The following RALYL variants were observed in gnomAD, a reference collection of about 807,000 sequenced individuals.
RALYL encodes RNA-binding Raly-like protein.
Under a neutral mutation model 35.1 loss-of-function variants are expected in RALYL, and 29 were observed. That is an observed-to-expected ratio of 0.83 (90% CI 0.61 to 1.13). The LOEUF (loss-of-function observed/expected upper bound fraction) is 1.13, where lower values mean the gene tolerates loss of function less well. Ranked by LOEUF, RALYL falls within the 50% of genes most tolerant of loss-of-function variation. RALYL has a pLI of 0.00. For synonymous variants in RALYL, 120 were observed against 127.6 expected (o/e 0.94, Z 0.40); for missense variants, 359 against 360.4 (o/e 1.00, Z 0.03).
intron 8 of RALYL, among the ~76,000 whole-genome samples, chr8:84,914,671 A>T (rs942637142): frequency 2.6e-5 from 4 of 152,086 alleles, no homozygotes; most frequent in Non-Finnish European, 4.4e-5. Context: ...TAATCAAAGT[A>T]GTTTTACAAC....
intron 1 of RALYL, among the ~76,000 whole-genome samples, chr8:84,479,191 C>T (rs985589316): frequency 7.2e-6 from 1 of 139,504 alleles, no homozygotes; most frequent in Non-Finnish European, 1.5e-5. Context: ...GTAGATAATC[C>T]TTTTATTAAA....
chr8:84,571,215 C>G (rs1365669320), intron 2 of RALYL, among the ~76,000 whole-genome samples: 1 of 151,652 alleles, frequency 6.6e-6, no homozygotes, highest in Admixed American at 6.6e-5. Flanking sequence ...TGTTTGGTAA[C>G]ATTTTAGCTA....
intron 4 of RALYL, among the ~76,000 whole-genome samples, chr8:84,820,718 G>C (rs1404471595): frequency 6.6e-6 from 1 of 151,920 alleles, no homozygotes; most frequent in East Asian, 1.9e-4. Flanking sequence ...CTTGCCCCCT[G>C]ACAGGCCCTG....
intron 1 of RALYL, among the ~76,000 whole-genome samples, chr8:84,427,552 A>AT (rs372825825): frequency 6.6e-6 from 1 of 152,122 alleles, no homozygotes; most frequent in Non-Finnish European, 1.5e-5. Flanking sequence ...TTAAAAAAAA[A>AT]CCTTTCAAGA....
chr8:84,632,917 T>A (rs1006080745), intron 2 of RALYL, among the ~76,000 whole-genome samples: 9 of 151,906 alleles, frequency 5.9e-5, no homozygotes, highest in African/African-American at 1.7e-4. Flanking sequence ...AGAACATGAC[T>A]TTATAATGAC....
intron 1 of RALYL, among the ~76,000 whole-genome samples, chr8:84,476,238 C>A (rs939923821): frequency 3.3e-5 from 5 of 152,134 alleles, no homozygotes; most frequent in African/African-American, 1.2e-4. Context: ...GAATCTAATT[C>A]TATTTCATAT....
intron 1 of RALYL, among the ~76,000 whole-genome samples, chr8:84,345,895 G>A (rs1849752810): frequency 6.6e-6 from 1 of 152,048 alleles, no homozygotes; most frequent in South Asian, 2.1e-4. Flanking sequence ...ACCATGGACT[G>A]TGCATCAGTT....
intron 1 of RALYL, among the ~76,000 whole-genome samples, chr8:84,284,438 A>G (rs2132125564): frequency 6.6e-6 from 1 of 152,320 alleles, no homozygotes; most frequent in South Asian, 2.1e-4. Context: ...TAATAGTGAC[A>G]TTGGTGTTTT....
intron 1 of RALYL, among the ~76,000 whole-genome samples, chr8:84,223,181 T>TTCCCTTCCCTTCCCTTCCCTTCCATTCC (rs1822861837): frequency 9.0e-6 from 1 of 110,954 alleles, no homozygotes; most frequent in Non-Finnish European, 1.8e-5. Flanking sequence ...TTCCCTTCCC[T>TTCCCTTCCCTTCCCTTCCCTTCCATTCC]TCCCTTCCCT....
At chr8:84,567,710 T>A (rs1161988507) in intron 2 of RALYL, among the ~76,000 whole-genome samples, 1 of 151,620 alleles carries the variant, frequency 6.6e-6, no homozygotes, top group African/African-American at 2.4e-5. Context: ...TATTTTCCCT[T>A]AAGTAGGTAC....
At chr8:84,670,025 C>T (rs912997283) in intron 2 of RALYL, among the ~76,000 whole-genome samples, 3 of 151,962 alleles carry the variant, frequency 2.0e-5, no homozygotes, top group African/African-American at 7.2e-5. Context: ...CTGATTCTTG[C>T]TTATTTTATA....
intron 2 of RALYL, among the ~76,000 whole-genome samples, chr8:84,594,154 A>G (rs1387440555): frequency 6.6e-6 from 1 of 151,846 alleles, no homozygotes; most frequent in Admixed American, 6.6e-5. Context: ...TTCCCATCCC[A>G]CTTTAAGTAT....
intron 1 of RALYL, among the ~76,000 whole-genome samples, chr8:84,304,334 G>A (rs542337475): frequency 6.6e-6 from 1 of 152,178 alleles, no homozygotes; most frequent in African/African-American, 2.4e-5. Context: ...AGTCAGGGTG[G>A]TCTCGATCTC....
At chr8:84,670,453 C>T (rs998165415) in intron 2 of RALYL, among the ~76,000 whole-genome samples, 5 of 152,200 alleles carry the variant, frequency 3.3e-5, no homozygotes, top group African/African-American at 1.2e-4. Context: ...AAAAATTTCA[C>T]AATGCCTTAC....
intron 2 of RALYL, among the ~76,000 whole-genome samples, chr8:84,595,864 C>T (rs1169374328): frequency 2.1e-5 from 3 of 145,130 alleles, no homozygotes; most frequent in African/African-American, 7.7e-5. Flanking sequence ...TGGAAGAAAA[C>T]CACACGCTCA....
rs1213874417 is a variant in RALYL, at chr8:84,638,867, CATAAATATATATATATATAT to C, written c.256+109294_256+109313del. ...CAGAAATACGAGTATCTAATGCACG[CATAAATATATATATATATAT>C]ATATATATATATATATATATATATA... On this transcript the variant is annotated intron_variant, in intron 2 of 8. Transcript: ENST00000521268. Among the ~76,000 whole-genome samples, 120 of 102,120 alleles carry C rather than the reference CATAAATATATATATATATAT, an allele frequency of 1.2e-3. 6 individuals carry two copies. The highest frequency in any genetic ancestry group is 4.6e-3 in the African/African-American group (97 of 21,110). The allele number at this position is 102,120 out of a possible 152,430, so 67.0% of individuals were successfully genotyped here. A position where few individuals can be genotyped will look rare whatever the true frequency, so the allele number is the denominator to read the frequency against.
At chr8:84,505,913 A>C (rs1408982922) in intron 1 of RALYL, among the ~76,000 whole-genome samples, 1 of 152,042 alleles carries the variant, frequency 6.6e-6, no homozygotes, top group Non-Finnish European at 1.5e-5. Flanking sequence ...TTATTTTGTC[A>C]TTTTTACTCA....
At chr8:84,192,765 C>T (rs1431889391) in intron 1 of RALYL, among the ~76,000 whole-genome samples, 2 of 151,762 alleles carry the variant, frequency 1.3e-5, no homozygotes, top group Non-Finnish European at 2.9e-5. Flanking sequence ...ACCATGTTGA[C>T]CAGGCTGGTC....
intron 1 of RALYL, among the ~76,000 whole-genome samples, chr8:84,380,882 A>C (rs943251100): frequency 6.6e-6 from 1 of 151,772 alleles, no homozygotes; most frequent in Non-Finnish European, 1.5e-5. Flanking sequence ...ACCTGCAGCA[A>C]GGGCTCCGTA....
Sources: gnomAD v4.1 joint callset for allele counts (sites outside exome capture counted in the v4.1 genomes callset) on GRCh38, gnomAD v4.1.1 for gene constraint, MANE v1.5 for transcripts, NCBI Gene and HGNC (gene_info 2026-07-23, HGNC 2026-07-21) for gene names.